Variants in CDH26 observed in about 807,000 individuals in gnomAD.
CDH26 encodes cadherin 26.
CDH26 carries 83 observed loss-of-function variants against 90.3 expected under a neutral mutation model. The observed-to-expected ratio is 0.92, with a 90% CI of 0.77 to 1.10. CDH26 has a LOEUF of 1.10. Ranked by LOEUF, CDH26 falls within the 50% of genes least tolerant of loss-of-function variation. The pLI, the probability that CDH26 is intolerant of heterozygous loss-of-function variation, is 0.00. For missense variants in CDH26, 1,013 were observed against 1,037.6 expected (o/e 0.98, Z 0.33); for synonymous variants, 397 against 396.3 (o/e 1.00, Z -0.02).
chr20:60,010,182 G>C (rs537502453), intron 17 of CDH26, among the ~76,000 whole-genome samples: 2 of 152,020 alleles, frequency 1.3e-5, no homozygotes, highest in East Asian at 3.9e-4. Context: ...CAGTCACTGG[G>C]TGGGGCGGGG....
chr20:60,025,440 T>C (rs1367113207), intron 7 of CDH26, among the ~76,000 whole-genome samples: 1 of 152,262 alleles, frequency 6.6e-6, no homozygotes, highest in Non-Finnish European at 1.5e-5. Context: ...CCATGGCATA[T>C]CCTTTTAAAT....
chr20:60,008,131 G>A (rs75050073), intron 17 of CDH26, among the ~76,000 whole-genome samples: 2,478 of 152,256 alleles, frequency 0.016, 40 homozygotes, highest in Non-Finnish European at 0.026. Context: ...TCCTGTTGCA[G>A]GGCAGTGGGA....
intron 10 of CDH26, among the ~76,000 whole-genome samples, chr20:59,993,685 C>T (rs1046163952): frequency 6.6e-6 from 1 of 152,178 alleles, no homozygotes; most frequent in Non-Finnish European, 1.5e-5. Flanking sequence ...TAGGTTGGCT[C>T]CATATATTTG....
chr20:59,967,341 G>A (rs1472563536), intron 1 of CDH26, among the ~76,000 whole-genome samples: 1 of 152,170 alleles, frequency 6.6e-6, no homozygotes, highest in African/African-American at 2.4e-5. Context: ...TATGCTCAAA[G>A]CATTTTGCTA....
chr20:59,994,564 A>G, intron 11 of CDH26, 75 bp downstream of exon 11: 1 of 1,565,210 alleles, frequency 6.4e-7, no homozygotes, highest in South Asian at 1.2e-5. Context: ...TAGGCAAAAA[A>G]GGACTTTATT....
intron 16 of CDH26, among the ~76,000 whole-genome samples, chr20:60,005,830 A>G (rs1002762): frequency 0.27 from 41,684 of 152,000 alleles, 6,728 homozygotes; most frequent in East Asian, 0.53. Context: ...CCTCTATCAC[A>G]TGGCCTTTGC....
At position 59,958,782 on chromosome 20, in the gene CDH26, T is replaced by C. The variant is rs751017052; in HGVS notation, c.56T>C (p.Leu19Pro). The stretch of plus-strand genomic sequence containing the variant: ...CTGCTGCTGCTTCTAGTGCTGCTGC[T>C]GTGGCTGCTGCAGGTAAGCTGAGCC... ...PSLLLLLVLL[L>P]WLLQVSIIDS... Residue 19 changes from leucine to proline, a missense_variant, in exon 1 of 18, where the codon CTG becomes CCG. Leu to Pro is a moderately conservative substitution (Grantham distance 98). Coordinates refer to ENST00000348616, the MANE Select transcript of CDH26 (RefSeq NM_177980.4). The C allele has an allele frequency of 6.2e-6, 10 of 1,613,862 alleles. No individual in the cohort carries two copies. Among genetic ancestry groups the C allele is most frequent in the Non-Finnish European group, 8.5e-6 (10 of 1,179,824 alleles).
downstream of CDH26, among the ~76,000 whole-genome samples, chr20:60,035,669 A>G (rs1321070589): frequency 6.6e-6 from 1 of 151,912 alleles, no homozygotes; most frequent in African/African-American, 2.4e-5. Context: ...CTCATCTCGA[A>G]TTGTGATCCC....
In CDH26 at chr20:59,995,971, CAT is replaced by C. The variant is rs1369999654; in HGVS notation, c.1806_1807del (p.Val604GlyfsTer39). The C allele has an allele frequency of 3.1e-6, 5 of 1,614,084 alleles. No individual in the cohort carries two copies. The African/African-American group carries it at 4.0e-5, about 13-fold the overall frequency. ...ATCTGCCCCTGTGCCAGTGGGCTCA[CAT>C]GTGTGGAGCTTGCAGATGCAGAAGT... On this transcript the variant is annotated frameshift_variant, in exon 12 of 18. Transcript: ENST00000348616. LOFTEE classifies it high-confidence loss of function.
At chr20:60,017,794 G>A (rs112823207), downstream of CDH26, among the ~76,000 whole-genome samples, 2,838 of 151,952 alleles carry the variant, frequency 0.019, 40 homozygotes, top group South Asian at 0.07. Context: ...ATAGATTTTG[G>A]TGTGCTGTGT....
At chr20:59,985,744 A>G (rs1245886805) in intron 7 of CDH26, among the ~76,000 whole-genome samples, 1 of 152,220 alleles carries the variant, frequency 6.6e-6, no homozygotes, top group Non-Finnish European at 1.5e-5. Context: ...TTGACATAGA[A>G]GCAGTTCATA....
intron 1 of CDH26, among the ~76,000 whole-genome samples, chr20:59,967,866 T>TTTCG (rs2061179007): frequency 8.7e-6 from 1 of 114,426 alleles, no homozygotes; most frequent in Admixed American, 8.5e-5. Context: ...TCTTTCTTTC[T>TTTCG]TTCTTTCTTT....
At chr20:59,985,870 A>T (rs1395502359) in intron 7 of CDH26, 1 of 152,186 alleles carries the variant, frequency 6.6e-6, no homozygotes, top group Non-Finnish European at 1.5e-5. Flanking sequence ...TCTGTTTTAC[A>T]GATGGGAAAA....
rs1171246235 is a variant in CDH26, at chr20:59,992,558, A to G, written c.1426+38A>G. The stretch of plus-strand genomic sequence containing the variant: ...CCAAAATTGGAAAAATAAAATGCTC[A>G]TTCTTGCTTCCTGCGGGAAAATAAC... On this transcript the variant is annotated intron_variant, in intron 10 of 17. Transcript: ENST00000348616. The surrounding 1 kb of genome is among the most constrained non-coding windows in gnomAD (Gnocchi z 5.0). 4 of 1,608,404 alleles carry G rather than the reference A, an allele frequency of 2.5e-6. No individual in the cohort carries two copies. Among genetic ancestry groups the G allele is most frequent in the East Asian group, 4.5e-5 (2 of 44,810 alleles).
Position 59,958,710 on chromosome 20 carries a change from G to T in CDH26, c.-17G>T. ...GTCATCAGCTGCACGTTCTGGGTCT[G>T]TCTTGGGTATTCCCATATGGCCATG... On this transcript the variant is annotated 5_prime_UTR_variant, in exon 1 of 18. Transcript: ENST00000348616. The T allele has an allele frequency of 6.2e-7, 1 of 1,614,050 alleles. No homozygotes were observed. The highest frequency in any genetic ancestry group is 8.5e-7 in the Non-Finnish European group (1 of 1,179,882).
In CDH26 at chr20:59,984,677, G is replaced by T. The variant is rs2061430982; in HGVS notation, c.580G>T (p.Glu194Ter). ...IFQMLAVDLD[E>*]ENTPNSQVLY... is the part of the protein sequence containing the mutation. Reference sequence around the variant, plus strand: ...TCAGATGTTAGCAGTCGATTTGGATGAAGAAAACACTCCAAATTCTCAAGT... The same window carrying T: ...TCAGATGTTAGCAGTCGATTTGGATTAAGAAAACACTCCAAATTCTCAAGT... Residue 194 changes from glutamate to a stop codon, truncating the protein, a stop_gained, in exon 6 of 18, where the codon GAA becomes TAA. Transcript: ENST00000348616. LOFTEE classifies it high-confidence loss of function. 6.2e-7 allele frequency: 1 copy of T among 1,612,940 alleles called. No individual in the cohort carries two copies. Among genetic ancestry groups the T allele is most frequent in the East Asian group, 2.2e-5 (1 of 44,858 alleles).
At chr20:59,967,812 C>CCTTT (rs1569023841) in intron 1 of CDH26, among the ~76,000 whole-genome samples, 1 of 86,856 alleles carries the variant, frequency 1.2e-5, no homozygotes, top group Non-Finnish European at 2.5e-5. Flanking sequence ...CTCCCTCCCT[C>CCTTT]ATTTCTTTCT....
chr20:60,010,049 G>A (rs1474400764), intron 17 of CDH26, among the ~76,000 whole-genome samples: 4 of 152,098 alleles, frequency 2.6e-5, no homozygotes, highest in East Asian at 1.9e-4. Context: ...GAGCATTCCC[G>A]CGCTTCTCGT....
chr20:60,012,615 C>T lies in CDH26; in HGVS notation c.2384C>T (p.Ser795Phe), dbSNP rs764087641. 1.9e-6 allele frequency: 3 copies of T among 1,614,042 alleles called. No homozygotes were observed. The highest frequency in any genetic ancestry group is 2.5e-6 in the Non-Finnish European group (3 of 1,180,040). The change falls in exon 18 of 18, where the codon TCC becomes TTC. Residue 795 changes from serine (S) to phenylalanine (F), a missense_variant. By Grantham distance (155) the Ser-to-Phe change is radical (BLOSUM62 -2). Coordinates refer to ENST00000348616, the MANE Select transcript of CDH26 (RefSeq NM_177980.4). ...SEEGECGGAP[S>F]LSSLASLEQE... The stretch of plus-strand genomic sequence containing the variant: ...GAAGGGGAGTGTGGAGGGGCCCCAT[C>T]CCTCAGCTCTCTGGCCAGCTTGGAA...
Sources: allele counts gnomAD v4.1 joint callset (sites outside exome capture counted in the v4.1 genomes callset), GRCh38; gene constraint gnomAD v4.1.1; non-coding constraint Gnocchi (gnomAD v3.1); transcripts MANE v1.5; gene names NCBI Gene and HGNC (gene_info 2026-07-23, HGNC 2026-07-21).